Variants in LRRC4C observed in about 807,000 individuals in gnomAD.
The protein encoded by LRRC4C is leucine-rich repeat-containing protein 4C.
LRRC4C carries 5 observed loss-of-function variants against 33.6 expected under a neutral mutation model. The observed-to-expected ratio is 0.15, with a 90% CI of 0.08 to 0.31. The LOEUF (loss-of-function observed/expected upper bound fraction) is 0.31, where lower values mean the gene tolerates loss of function less well. LRRC4C is among the 10% of genes least tolerant of loss of function. The pLI is 1.00. For missense variants in LRRC4C, 560 were observed against 796.7 expected (o/e 0.70, Z 3.58); for synonymous variants, 329 against 302.0 (o/e 1.09, Z -0.93).
chr11:40,805,344 C>T (rs541540189), intron 2 of LRRC4C, among the ~76,000 whole-genome samples: 1 of 152,286 alleles, frequency 6.6e-6, no homozygotes, highest in East Asian at 1.9e-4. Flanking sequence ...AAAACTTGTT[C>T]TAGTCCTACC....
At chr11:40,708,560 G>T (rs1946292867) in intron 2 of LRRC4C, among the ~76,000 whole-genome samples, 1 of 152,178 alleles carries the variant, frequency 6.6e-6, no homozygotes, top group Non-Finnish European at 1.5e-5. Flanking sequence ...TAATTTGATT[G>T]CCCTGTGGTC....
In LRRC4C at chr11:40,809,353, T is replaced by A. The variant is rs146640643; in HGVS notation, c.-407+124282A>T. On this transcript the variant is annotated intron_variant, in intron 2 of 6. Transcript: ENST00000528697. ...GGGAAGATCCTACTTCAAGGCCCTT[T>A]GGATTGCATTCTCCTTTGCCTGTGC... Among the ~76,000 whole-genome samples, 524 of 152,314 alleles carry A rather than the reference T, an allele frequency of 3.4e-3. 4 individuals carry two copies. Among genetic ancestry groups the A allele is most frequent in the African/African-American group, 0.012 (497 of 41,576 alleles).
rs199920049 is a variant in LRRC4C, at chr11:40,773,832, GA to G, written c.-406-125555del. Reference sequence around the variant, plus strand: ...TACAGGTTTTTTCAATTAATTAATTGAAAAAATAATACAGCATAAATTTATT... The same window carrying G: ...TACAGGTTTTTTCAATTAATTAATTGAAAAATAATACAGCATAAATTTATT... On this transcript the variant is annotated intron_variant, in intron 2 of 6. Transcript: ENST00000528697. Among the ~76,000 whole-genome samples the G allele has an allele frequency of 1.5e-3, 222 of 151,856 alleles. 7 individuals carry two copies. In the East Asian group the frequency reaches 0.039, roughly 26 times the overall value.
chr11:41,219,663 A>G (rs1947217798), intron 1 of LRRC4C, among the ~76,000 whole-genome samples: 1 of 152,220 alleles, frequency 6.6e-6, no homozygotes, highest in Non-Finnish European at 1.5e-5. Context: ...GCCTACAACA[A>G]TAGATTAGAA....
intron 1 of LRRC4C, among the ~76,000 whole-genome samples, chr11:41,042,909 G>A (rs1857524553): frequency 6.6e-6 from 1 of 151,358 alleles, no homozygotes; most frequent in Non-Finnish European, 1.5e-5. Context: ...AATTGGCATA[G>A]ATAGTAATTG....
intron 4 of LRRC4C, among the ~76,000 whole-genome samples, chr11:40,258,853 C>T (rs1388338026): frequency 6.6e-6 from 1 of 152,140 alleles, no homozygotes; most frequent in Non-Finnish European, 1.5e-5. Context: ...TGCCAATAAA[C>T]CAACGGATCT....
chr11:41,041,428 G>T (rs115369241), intron 1 of LRRC4C, among the ~76,000 whole-genome samples: 1,526 of 152,286 alleles, frequency 0.01, 36 homozygotes, highest in African/African-American at 0.035. Flanking sequence ...CAGGCATTCA[G>T]AGAGTATAGT....
rs1410782162 is a variant in LRRC4C, at chr11:41,053,601, A to G, written c.-495-119878T>C. 3.9e-5 allele frequency among the ~76,000 whole-genome samples: 6 copies of G among 152,300 alleles called. 1 individual carries two copies. The South Asian group carries it at 1.0e-3, about 26-fold the overall frequency. Reference sequence around the variant, plus strand: ...TGTTTAAACTGCTAATTTTTTGGTAATATTATTACATAGCTATAGATAATT... The same window carrying G: ...TGTTTAAACTGCTAATTTTTTGGTAGTATTATTACATAGCTATAGATAATT... On this transcript the variant is annotated intron_variant, in intron 1 of 6. Transcript: ENST00000528697.
intron 5 of LRRC4C, among the ~76,000 whole-genome samples, chr11:40,174,568 T>G (rs921271458): frequency 2.0e-5 from 3 of 152,210 alleles, no homozygotes; most frequent in African/African-American, 7.2e-5. Flanking sequence ...GTGTGCGTTA[T>G]TATTTTTCTG....
intron 5 of LRRC4C, among the ~76,000 whole-genome samples, chr11:40,185,794 G>A (rs1165114633): frequency 2.0e-5 from 3 of 151,994 alleles, no homozygotes; most frequent in Non-Finnish European, 4.4e-5. Flanking sequence ...CATGAGGATG[G>A]GAGGAGGAAC....
chr11:40,153,193 A>C (rs1426630128), intron 5 of LRRC4C, among the ~76,000 whole-genome samples: 1 of 152,154 alleles, frequency 6.6e-6, no homozygotes, highest in African/African-American at 2.4e-5. Flanking sequence ...GAAAGACAAC[A>C]ATCACTGCAG....
chr11:40,277,340 T>G (rs567012376), intron 4 of LRRC4C, among the ~76,000 whole-genome samples: 2 of 152,252 alleles, frequency 1.3e-5, no homozygotes, highest in South Asian at 4.1e-4. Context: ...TTAAAATAAG[T>G]GATGCATAAA....
chr11:41,230,566 C>T (rs966701492), intron 1 of LRRC4C, among the ~76,000 whole-genome samples: 2 of 151,990 alleles, frequency 1.3e-5, no homozygotes. Context: ...TAATTATTAG[C>T]CAAATTGACA....
intron 1 of LRRC4C, among the ~76,000 whole-genome samples, chr11:41,112,755 T>C (rs1941908115): frequency 6.6e-6 from 1 of 152,114 alleles, no homozygotes; most frequent in Admixed American, 6.6e-5. Context: ...GGTACAGATT[T>C]ATTTTTCAAA....
chr11:41,253,339 T>G (rs2136661317), intron 1 of LRRC4C, among the ~76,000 whole-genome samples: 1 of 152,242 alleles, frequency 6.6e-6, no homozygotes, highest in African/African-American at 2.4e-5. Flanking sequence ...TCAATGTTCA[T>G]TAAGCAAAGC....
intron 2 of LRRC4C, among the ~76,000 whole-genome samples, chr11:40,739,103 T>C (rs902549523): frequency 5.3e-5 from 8 of 151,562 alleles, no homozygotes; most frequent in Non-Finnish European, 8.8e-5. Flanking sequence ...CTACACAATA[T>C]CATATTATAT....
At chr11:40,870,050 C>T (rs1954557984) in intron 2 of LRRC4C, among the ~76,000 whole-genome samples, 1 of 152,098 alleles carries the variant, frequency 6.6e-6, no homozygotes, top group Admixed American at 6.6e-5. Context: ...CCAACACTAT[C>T]ATGTACCAAG....
At chr11:41,456,945 C>T (rs536860454) in intron 1 of LRRC4C, among the ~76,000 whole-genome samples, 2 of 152,282 alleles carry the variant, frequency 1.3e-5, no homozygotes, top group South Asian at 4.1e-4. Context: ...AAATGCTTTG[C>T]ACATTTCATA....
intron 4 of LRRC4C, among the ~76,000 whole-genome samples, chr11:40,290,988 T>C (rs1944155315): frequency 6.6e-6 from 1 of 152,144 alleles, no homozygotes; most frequent in African/African-American, 2.4e-5. Context: ...TTGCCTGGCG[T>C]TCTGAGGCTT....
Sources: gnomAD v4.1 joint callset for allele counts (sites outside exome capture counted in the v4.1 genomes callset) on GRCh38, gnomAD v4.1.1 for gene constraint, MANE v1.5 for transcripts, NCBI Gene and HGNC (gene_info 2026-07-23, HGNC 2026-07-21) for gene names.